The following PTPRD variants were observed in gnomAD, a reference collection of about 807,000 sequenced individuals.
PTPRD encodes the protein protein tyrosine phosphatase receptor type D, also known as receptor-type tyrosine-protein phosphatase delta.
Under a neutral mutation model 214.5 loss-of-function variants are expected in PTPRD, and 34 were observed. That is an observed-to-expected ratio of 0.16 (90% CI 0.12 to 0.21). The LOEUF is 0.21. Ranked by LOEUF, PTPRD falls within the 10% of genes least tolerant of loss-of-function variation. The pLI is 1.00. For missense variants in PTPRD, 2,545 were observed against 2,398.7 expected (o/e 1.06, Z -1.27); for synonymous variants, 1,128 against 845.7 (o/e 1.33, Z -5.79).
Position 10,204,377 on chromosome 9 carries a change from A to C in PTPRD, c.-545+136586T>G, listed in dbSNP as rs368516881. 2.0e-5 allele frequency among the ~76,000 whole-genome samples: 3 copies of C among 152,130 alleles called. No homozygotes were observed. The East Asian group carries it at 5.8e-4, about 29-fold the overall frequency. On this transcript the variant is annotated intron_variant, in intron 3 of 45. Transcript: ENST00000381196. ...AGAATAGCTTTACTGATTTTGAAAAATCCTCTAAATACATAAAAGGCCAGA... is the reference window on the plus strand; with the variant it reads ...AGAATAGCTTTACTGATTTTGAAAACTCCTCTAAATACATAAAAGGCCAGA...
At chr9:8,932,813 G>T (rs1365033170) in intron 11 of PTPRD, among the ~76,000 whole-genome samples, 1 of 152,136 alleles carries the variant, frequency 6.6e-6, no homozygotes, top group Non-Finnish European at 1.5e-5. Flanking sequence ...GGGCTCCGTG[G>T]GCGTGGAATC....
chr9:8,742,514 C>G (rs1164259611), intron 11 of PTPRD, among the ~76,000 whole-genome samples: 2 of 152,062 alleles, frequency 1.3e-5, no homozygotes, highest in African/African-American at 4.8e-5. Context: ...AATACATTTA[C>G]TTTTCAAATG....
chr9:8,334,794 C>T (rs1465631572), intron 43 of PTPRD, among the ~76,000 whole-genome samples: 1 of 122,266 alleles, frequency 8.2e-6, no homozygotes, highest in Non-Finnish European at 1.8e-5. Flanking sequence ...AGACAGAAGA[C>T]TCAAACAGAC....
intron 33 of PTPRD, among the ~76,000 whole-genome samples, chr9:8,452,523 C>A (rs2096001140): frequency 6.6e-6 from 1 of 152,214 alleles, no homozygotes; most frequent in Admixed American, 6.5e-5. Flanking sequence ...GAGGTCTCAT[C>A]ATTCTCATTT....
At chr9:8,828,288 G>C (rs1198074693) in intron 11 of PTPRD, among the ~76,000 whole-genome samples, 1 of 152,236 alleles carries the variant, frequency 6.6e-6, no homozygotes, top group Non-Finnish European at 1.5e-5. Context: ...GATGGTATTA[G>C]AAGGTGAGCC....
At chr9:8,757,244 T>C (rs939558292) in intron 11 of PTPRD, among the ~76,000 whole-genome samples, 8 of 152,154 alleles carry the variant, frequency 5.3e-5, no homozygotes, top group African/African-American at 1.2e-4. Context: ...ACAAGGACAA[T>C]GCCTCTAATA....
chr9:10,307,919 G>A (rs2096137114), intron 3 of PTPRD, among the ~76,000 whole-genome samples: 2 of 151,746 alleles, frequency 1.3e-5, no homozygotes, highest in Non-Finnish European at 1.5e-5. Context: ...GGGATTATTT[G>A]ATTTTTGTTG....
intron 2 of PTPRD, among the ~76,000 whole-genome samples, chr9:10,367,121 T>C (rs1314156504): frequency 1.3e-5 from 2 of 151,222 alleles, no homozygotes; most frequent in Non-Finnish European, 2.9e-5. Context: ...TATCCTGTCC[T>C]CTTGATAGAT....
intron 12 of PTPRD, among the ~76,000 whole-genome samples, chr9:8,670,951 A>T (rs2097271978): frequency 6.6e-6 from 1 of 152,190 alleles, no homozygotes; most frequent in Non-Finnish European, 1.5e-5. Context: ...TGAAGAATTA[A>T]GGCAAAAATT....
At chr9:9,037,301 G>A (rs1419622994) in intron 10 of PTPRD, among the ~76,000 whole-genome samples, 1 of 152,084 alleles carries the variant, frequency 6.6e-6, no homozygotes, top group African/African-American at 2.4e-5. Context: ...TTCGCAAAAT[G>A]TATGTTTATA....
intron 36 of PTPRD, among the ~76,000 whole-genome samples, chr9:8,397,459 G>T (rs1343186249): frequency 2.0e-5 from 3 of 152,006 alleles, no homozygotes; most frequent in South Asian, 2.1e-4. Context: ...ATTTTCCTAG[G>T]TTTTTTTGGT....
At chr9:8,999,569 C>CG (rs2099409803) in intron 11 of PTPRD, among the ~76,000 whole-genome samples, 1 of 152,012 alleles carries the variant, frequency 6.6e-6, no homozygotes, top group South Asian at 2.1e-4. Flanking sequence ...ATGTGACTTG[C>CG]TCTTTTGTGA....
chr9:8,683,005 A>G (rs1251923370), intron 12 of PTPRD, among the ~76,000 whole-genome samples: 1 of 152,176 alleles, frequency 6.6e-6, no homozygotes, highest in Non-Finnish European at 1.5e-5. Flanking sequence ...TGGGTTCTAG[A>G]GAGATGAGTT....
At chr9:10,496,347 G>C (rs945552917) in intron 2 of PTPRD, among the ~76,000 whole-genome samples, 1 of 151,874 alleles carries the variant, frequency 6.6e-6, no homozygotes, top group Admixed American at 6.6e-5. Context: ...ATCAGGCAAA[G>C]ATATATAAGC....
chr9:9,348,994 A>G (rs1230745868), intron 9 of PTPRD, among the ~76,000 whole-genome samples: 1 of 152,074 alleles, frequency 6.6e-6, no homozygotes, highest in Non-Finnish European at 1.5e-5. Context: ...ATCTATGTAT[A>G]TACATCTATT....
intron 7 of PTPRD, among the ~76,000 whole-genome samples, chr9:9,580,692 G>C (rs2090520117): frequency 6.6e-6 from 1 of 151,616 alleles, no homozygotes; most frequent in Admixed American, 6.6e-5. Context: ...GGGATTACAG[G>C]AGCCTACCAC....
chr9:9,459,768 T>G (rs1198024483), intron 8 of PTPRD, among the ~76,000 whole-genome samples: 1 of 152,082 alleles, frequency 6.6e-6, no homozygotes, highest in Non-Finnish European at 1.5e-5. Flanking sequence ...GACCCTACTT[T>G]CTTAAGCAAT....
chr9:8,559,076 ATTGTT>A (rs1344367054), intron 14 of PTPRD, among the ~76,000 whole-genome samples: 1 of 152,170 alleles, frequency 6.6e-6, no homozygotes, highest in East Asian at 1.9e-4. Context: ...TTTATGCCAA[ATTGTT>A]TTTATTCTGA....
intron 5 of PTPRD, among the ~76,000 whole-genome samples, chr9:9,897,467 A>T (rs1307164148): frequency 6.6e-6 from 1 of 152,070 alleles, no homozygotes; most frequent in Non-Finnish European, 1.5e-5. Flanking sequence ...GAAACCAAAA[A>T]AAGTTTATTC....
Sources: allele counts gnomAD v4.1 joint callset (sites outside exome capture counted in the v4.1 genomes callset), GRCh38; gene constraint gnomAD v4.1.1; transcripts MANE v1.5; gene names NCBI Gene and HGNC (gene_info 2026-07-23, HGNC 2026-07-21).